Variants in TIAM2 observed in about 807,000 individuals in gnomAD.
TIAM2 encodes the protein rho guanine nucleotide exchange factor TIAM2.
In TIAM2, 80 loss-of-function variants were observed where a neutral mutation model predicts 152.9. The ratio of observed to expected loss-of-function variants is 0.52; its 90% CI spans 0.44 to 0.63. The LOEUF is 0.63. Among genes scored for constraint, TIAM2 ranks in the 30% least tolerant of loss-of-function variants. The pLI is 0.00. For synonymous variants in TIAM2, 804 were observed against 838.0 expected (o/e 0.96, Z 0.70); for missense variants, 1,965 against 2,120.1 (o/e 0.93, Z 1.44).
chr6:155,044,972 G>T (rs1352886897), intron 1 of TIAM2, among the ~76,000 whole-genome samples: 1 of 151,340 alleles, frequency 6.6e-6, no homozygotes, highest in African/African-American at 2.4e-5. Context: ...CCGATCCATT[G>T]GTGTTTCTTT....
intron 14 of TIAM2, among the ~76,000 whole-genome samples, chr6:155,208,746 A>C (rs987953257): frequency 2.6e-5 from 4 of 152,090 alleles, no homozygotes; most frequent in Admixed American, 6.5e-5. Flanking sequence ...TCAAATGCTC[A>C]ACCATCCCTT....
intron 6 of TIAM2, among the ~76,000 whole-genome samples, chr6:155,146,464 G>A (rs1037812166): frequency 8.5e-5 from 13 of 152,310 alleles, no homozygotes; most frequent in Admixed American, 5.9e-4. Context: ...TGACTCGAAT[G>A]TGTGTGGTTA....
intron 14 of TIAM2, among the ~76,000 whole-genome samples, chr6:155,200,254 G>A (rs1434503590): frequency 1.3e-5 from 2 of 152,112 alleles, no homozygotes; most frequent in African/African-American, 4.8e-5. Flanking sequence ...TTCAGGGAAA[G>A]GTCAGTTATT....
intron 15 of TIAM2, among the ~76,000 whole-genome samples, chr6:155,217,293 G>A (rs1781883659): frequency 6.6e-6 from 1 of 152,210 alleles, no homozygotes. Flanking sequence ...CTAAGGATAA[G>A]AGAACTTCTT....
At chr6:155,093,741 A>C (rs1021522303) in intron 2 of TIAM2, among the ~76,000 whole-genome samples, 2 of 152,192 alleles carry the variant, frequency 1.3e-5, no homozygotes, top group Non-Finnish European at 2.9e-5. Context: ...TCCAAGCACC[A>C]GGAAGGCAGA....
At position 155,129,681 on chromosome 6, in the gene TIAM2, G is replaced by A. The variant is rs1210740176; in HGVS notation, c.458G>A (p.Gly153Asp). ...RNESIASTPP[G>D]EDRKSPRVLI... Reference sequence around the variant, plus strand: ...GAGAGCATTGCCTCCACCCCACCGGGCGAAGACCGCAAGAGCCCCCGAGTG... The same window carrying A: ...GAGAGCATTGCCTCCACCCCACCGGACGAAGACCGCAAGAGCCCCCGAGTG... Residue 153 changes from glycine to aspartate, a missense_variant, in exon 4 of 27, where the codon GGC (glycine) becomes GAC (aspartate). Gly to Asp is a moderately conservative substitution (Grantham distance 94). Transcript: ENST00000682666. This position sits in a 1 kb window ranked among gnomAD's most constrained non-coding sequence, Gnocchi z 4.8. 6.2e-7 allele frequency: 1 copy of A among 1,614,104 alleles called. No individual in the cohort carries two copies. Among genetic ancestry groups the A allele is most frequent in the Non-Finnish European group, 8.5e-7 (1 of 1,180,038 alleles).
At chr6:155,183,865 G>T (rs1391779363) in intron 14 of TIAM2, among the ~76,000 whole-genome samples, 1 of 152,182 alleles carries the variant, frequency 6.6e-6, no homozygotes, top group Non-Finnish European at 1.5e-5. Context: ...TGAATCTAAG[G>T]CACAACCATT....
At chr6:155,169,518 C>T (rs559236903) in intron 9 of TIAM2, among the ~76,000 whole-genome samples, 2 of 152,322 alleles carry the variant, frequency 1.3e-5, no homozygotes, top group East Asian at 1.9e-4. Flanking sequence ...CTCTATTCCT[C>T]AGCAGTACTT....
intron 14 of TIAM2, among the ~76,000 whole-genome samples, chr6:155,203,792 G>C (rs1425207247): frequency 2.0e-5 from 3 of 152,106 alleles, no homozygotes; most frequent in Non-Finnish European, 4.4e-5. Flanking sequence ...AATTGCTTTA[G>C]TGAGTATATT....
intron 2 of TIAM2, among the ~76,000 whole-genome samples, chr6:155,112,502 C>A (rs1034257498): frequency 5.3e-5 from 8 of 152,058 alleles, no homozygotes; most frequent in Non-Finnish European, 7.4e-5. Context: ...TTTCCTTGAC[C>A]CCTTAATGTC....
chr6:155,083,780 C>A (rs1297931286), intron 1 of TIAM2, among the ~76,000 whole-genome samples: 1 of 152,182 alleles, frequency 6.6e-6, no homozygotes, highest in Non-Finnish European at 1.5e-5. Context: ...AAGTCAATTT[C>A]TTTTGTCTTG....
rs59365890 is a variant in TIAM2 at position 155,243,846 on chromosome 6, CAAAAAAAAAAAAAAAAA to C, written c.3349-150_3349-134del. On this transcript the variant is annotated intron_variant, in intron 16 of 26. Coordinates refer to ENST00000682666, the MANE Select transcript of TIAM2 (RefSeq NM_012454.4). ...TGGGTGACAGAGCAAGACTCCGTCT[CAAAAAAAAAAAAAAAAA>C]AAAAAAAAAAAAAAGAATTTCAACA... Among the ~76,000 whole-genome samples, 19 of 55,056 alleles carry C rather than the reference CAAAAAAAAAAAAAAAAA, an allele frequency of 3.5e-4. 1 individual carries two copies. Among genetic ancestry groups the C allele is most frequent in the South Asian group, 2.2e-3 (2 of 924 alleles). The allele number at this position is 55,056 out of a possible 152,430, so 36.1% of individuals were successfully genotyped here.
At chr6:155,056,185 T>C (rs2114931015) in intron 1 of TIAM2, among the ~76,000 whole-genome samples, 1 of 144,904 alleles carries the variant, frequency 6.9e-6, no homozygotes, top group East Asian at 2.0e-4. Flanking sequence ...TTTTTTTTTT[T>C]TTTTGAGACA....
intron 1 of TIAM2, among the ~76,000 whole-genome samples, chr6:155,045,840 C>CTTTTTTTTTTTTTTTTTTTTTTTTTTTT (rs11354850): frequency 3.3e-5 from 2 of 60,496 alleles, no homozygotes; most frequent in African/African-American, 6.8e-5. Context: ...ATAGTGCCCT[C>CTTTTTTTTTTTTTTTTTTTTTTTTTTTT]TTTTTTTTTT....
At chr6:155,029,690 T>C (rs900411643) in intron 1 of TIAM2, among the ~76,000 whole-genome samples, 2 of 137,828 alleles carry the variant, frequency 1.5e-5, no homozygotes. Context: ...TATATAACTA[T>C]ATATAGAGAT....
In TIAM2 at chr6:155,004,619, C is replaced by T. The variant is rs146237951; in HGVS notation, c.-209+9127C>T. Among the ~76,000 whole-genome samples the T allele has an allele frequency of 3.4e-3, 514 of 152,228 alleles. 2 individuals are homozygous for T. Among genetic ancestry groups the T allele is most frequent in the African/African-American group, 0.011 (470 of 41,546 alleles). ...CCGTGTTAGCGAGGATGGCCTCAATCTCCTGACCTTGTGATCTGCCCGCCT... is the reference window on the plus strand; with the variant it reads ...CCGTGTTAGCGAGGATGGCCTCAATTTCCTGACCTTGTGATCTGCCCGCCT... On this transcript the variant is annotated intron_variant, in intron 1 of 26. Transcript: ENST00000682666.
Position 155,186,813 on chromosome 6 carries a change from A to G in TIAM2, c.3064+3313A>G, listed in dbSNP as rs2093139605. ...ATCAAAAATTTAAATGACTTTGAAA[A>G]ACAGTTTTTAATACAACTTTGAATT... On this transcript the variant is annotated intron_variant, in intron 14 of 26. Transcript: ENST00000682666. The surrounding 1 kb of genome is among the most constrained non-coding windows in gnomAD (Gnocchi z 4.5). 6.6e-6 allele frequency among the ~76,000 whole-genome samples: 1 copy of G among 152,218 alleles called. No individual in the cohort carries two copies. Among genetic ancestry groups the G allele is most frequent in the African/African-American group, 2.4e-5 (1 of 41,458 alleles).
At chr6:155,025,750 A>G (rs892907881) in intron 1 of TIAM2, among the ~76,000 whole-genome samples, 1 of 151,540 alleles carries the variant, frequency 6.6e-6, no homozygotes, top group African/African-American at 2.4e-5. Context: ...CGCCAATTTT[A>G]CCAATCACAT....
intron 1 of TIAM2, among the ~76,000 whole-genome samples, chr6:155,048,059 T>C (rs1367779801): frequency 6.6e-6 from 1 of 152,056 alleles, no homozygotes; most frequent in East Asian, 1.9e-4. Context: ...TTCAAGTGAT[T>C]CTCCTGCCTC....
Sources: gnomAD v4.1 joint callset for allele counts (sites outside exome capture counted in the v4.1 genomes callset) on GRCh38, gnomAD v4.1.1 for gene constraint, Gnocchi (gnomAD v3.1) non-coding constraint, MANE v1.5 for transcripts, NCBI Gene and HGNC (gene_info 2026-07-23, HGNC 2026-07-21) for gene names.